TMEM80: variants seen among roughly 807,000 people sequenced by gnomAD.
TMEM80 encodes transmembrane protein 80.
TMEM80 carries 16 observed loss-of-function variants against 13.6 expected under a neutral mutation model. That is an observed-to-expected ratio of 1.17 (90% CI 0.79 to 1.78). The LOEUF (loss-of-function observed/expected upper bound fraction) is 1.78. TMEM80 is among the 40% of genes most tolerant of loss of function. The probability of loss-of-function intolerance (pLI) is 0.00; values close to 1 mark genes in which losing one functional copy is unlikely to be tolerated. For synonymous variants in TMEM80, 92 were observed against 89.5 expected (o/e 1.03, Z -0.16); for missense variants, 167 against 184.6 (o/e 0.90, Z 0.55).
rs575749404 is a variant in TMEM80 at position 700,213 on chromosome 11, G to A, written c.111G>A (p.Thr37=). 42 of 1,613,686 alleles carry A rather than the reference G, an allele frequency of 2.6e-5. No individual in the cohort carries two copies. The South Asian group carries it at 3.4e-4, about 13-fold the overall frequency. The change falls in exon 3 of 5, where the codon ACG becomes ACA. Residue 37 remains threonine (T), a synonymous_variant. Transcript: ENST00000397510. ...ACTACGCCCTGTATTTCCTCGCCAC[G>A]CTCCTGATGATCACGTATAAAAGTA... ...GTYYALYFLA[T]LLMITYKSQV...
chr11:700,336 G>C, intron 3 of TMEM80, 101 bp downstream of exon 3: 1 of 1,077,370 alleles, frequency 9.3e-7, no homozygotes, highest in Non-Finnish European at 1.4e-6. Flanking sequence ...AGACCAGCCA[G>C]GCCAACATGG....
intron 1 of TMEM80, among the ~76,000 whole-genome samples, chr11:696,217 G>A (rs925313581): frequency 6.6e-6 from 1 of 152,150 alleles, no homozygotes; most frequent in African/African-American, 2.4e-5. Context: ...CGCGGGCGCC[G>A]GTGCCTCAGC....
Position 703,491 on chromosome 11 carries a change from G to A in TMEM80, c.*341G>A. The A allele has an allele frequency of 8.0e-7, 1 of 1,256,752 alleles. No homozygotes were observed. Among genetic ancestry groups the A allele is most frequent in the Non-Finnish European group, 1.0e-6 (1 of 1,002,736 alleles). The allele number at this position is 1,256,752 out of a possible 1,614,324, so 77.9% of individuals were successfully genotyped here. A position where few individuals can be genotyped will look rare whatever the true frequency, so the allele number is the denominator to read the frequency against. ...CCCCATGGGCCCCCAGGGCCGAGAG[G>A]GAGGACAGAGCCCTTCAGAACAGAG... On this transcript the variant is annotated 3_prime_UTR_variant, in exon 5 of 5. Coordinates refer to ENST00000397510, the MANE Select transcript of TMEM80 (RefSeq NM_001042463.3).
In TMEM80 at chr11:703,348, T is replaced by A; in HGVS notation, c.*198T>A. 1 of 1,396,838 alleles carries A rather than the reference T, an allele frequency of 7.2e-7. No individual in the cohort carries two copies. Among genetic ancestry groups the A allele is most frequent in the Non-Finnish European group, 9.3e-7 (1 of 1,078,076 alleles). The allele number at this position is 1,396,838 out of a possible 1,614,324, so 86.5% of individuals were successfully genotyped here. On this transcript the variant is annotated 3_prime_UTR_variant, in exon 5 of 5. Transcript: ENST00000397510. ...GAACAAACTGCTGGAGGCCCTGGTG[T>A]TGGGAACAGCTGCGGGGAGGGTAGG...
intron 1 of TMEM80, chr11:697,966 C>G (rs1861275445): frequency 6.6e-6 from 1 of 152,270 alleles, no homozygotes; most frequent in Non-Finnish European, 1.5e-5. Context: ...CAAAATCTCA[C>G]CAACGCCAGG....
chr11:699,050 C>T, intron 2 of TMEM80, 162 bp downstream of exon 2: 1 of 829,168 alleles, frequency 1.2e-6, no homozygotes. Context: ...GATGTAACTT[C>T]CTCGGATCAG....
In TMEM80 at chr11:703,620, C is replaced by T. The variant is rs1190473706; in HGVS notation, c.*470C>T. The stretch of plus-strand genomic sequence containing the variant: ...CGTGGCCAGGCCCCACCTGTGTTTC[C>T]AAGTCGGGCTGGAGACGCAGGATGG... On this transcript the variant is annotated 3_prime_UTR_variant, in exon 5 of 5. Coordinates refer to ENST00000397510, the MANE Select transcript of TMEM80 (RefSeq NM_001042463.3). 8.9e-6 allele frequency: 11 copies of T among 1,232,720 alleles called. No individual in the cohort carries two copies. The highest frequency in any genetic ancestry group is 1.1e-5 in the Non-Finnish European group (11 of 988,658). 76.4% of individuals were successfully genotyped at this position (1,232,720 alleles called of 1,614,324 possible).
chr11:695,735 T>C, upstream of TMEM80: 1 of 1,240,546 alleles, frequency 8.1e-7, no homozygotes, highest in Non-Finnish European at 1.0e-6. Context: ...TCGGGCCCCT[T>C]CGTCAGGAGA....
Position 701,718 on chromosome 11 carries a change from G to GT in TMEM80, c.226+1014dup, listed in dbSNP as rs766144492. Among the ~76,000 whole-genome samples, 6 of 152,188 alleles carry GT rather than the reference G, an allele frequency of 3.9e-5. No individual in the cohort carries two copies. The East Asian group carries it at 1.2e-3, about 30-fold the overall frequency. The stretch of plus-strand genomic sequence containing the variant: ...GCCACCGCGCCCGGCCGGAGACAGG[G>GT]TTTCGCTATGTTACCCTGGTTGGTC... On this transcript the variant is annotated intron_variant, in intron 4 of 4. Transcript: ENST00000397510.
At chr11:696,183 C>G (rs967222990) in intron 1 of TMEM80, among the ~76,000 whole-genome samples, 1 of 152,136 alleles carries the variant, frequency 6.6e-6, no homozygotes, top group Non-Finnish European at 1.5e-5. Context: ...TTTCGGTAGC[C>G]TTGGAACTCT....
intron 1 of TMEM80, among the ~76,000 whole-genome samples, chr11:696,636 C>CT (rs1861179389): frequency 6.2e-5 from 2 of 32,398 alleles, no homozygotes; most frequent in Admixed American, 3.8e-4. Flanking sequence ...GGCGGTGGCG[C>CT]ACCCCTGTGG....
rs375402946 is a variant in TMEM80 at position 700,190 on chromosome 11, T to C, written c.88T>C (p.Tyr30His). 53 of 1,614,074 alleles carry C rather than the reference T, an allele frequency of 3.3e-5. No individual in the cohort carries two copies. The highest frequency in any genetic ancestry group is 4.1e-5 in the Non-Finnish European group (48 of 1,180,038). ...GCTGTTTTATCTCAGCGGAACGTAC[T>C]ACGCCCTGTATTTCCTCGCCACGCT... ...QMLFYLSGTY[Y>H]ALYFLATLLM... Residue 30 changes from tyrosine (Y) to histidine (H), a missense_variant, in exon 3 of 5, where the codon TAC becomes CAC. Tyr to His is a moderately conservative substitution (Grantham distance 83). Coordinates refer to ENST00000397510, the MANE Select transcript of TMEM80 (RefSeq NM_001042463.3).
chr11:696,987 G>A (rs534887607), intron 1 of TMEM80, among the ~76,000 whole-genome samples: 1 of 146,612 alleles, frequency 6.8e-6, no homozygotes, highest in Non-Finnish European at 1.5e-5. Context: ...TCTGAGGCAG[G>A]AGAATTGCTC....
intron 4 of TMEM80, 133 bp from the exon 5 acceptor site, chr11:702,812 G>A: frequency 1.2e-6 from 1 of 862,866 alleles, no homozygotes. Flanking sequence ...CTGTTTCCCT[G>A]GAATTCCCCA....
chr11:700,861 T>G, intron 4 of TMEM80, 154 bp downstream of exon 4: 11 of 716,428 alleles, frequency 1.5e-5, no homozygotes, highest in Non-Finnish European at 2.3e-5. Context: ...CCTTACAGTG[T>G]CATTAAGTAT....
At chr11:701,804 C>T (rs1861509871) in intron 4 of TMEM80, among the ~76,000 whole-genome samples, 1 of 152,148 alleles carries the variant, frequency 6.6e-6, no homozygotes, top group Admixed American at 6.6e-5. Flanking sequence ...TGGCCTCACT[C>T]CCCTTTTTTT....
At chr11:704,525 C>T (rs954232110), downstream of TMEM80, 18 of 1,289,324 alleles carry the variant, frequency 1.4e-5, no homozygotes, top group East Asian at 2.2e-4. Context: ...CCCTCACCAG[C>T]GCCTGCACTC....
At chr11:696,171 G>A (rs1861145539) in intron 1 of TMEM80, among the ~76,000 whole-genome samples, 1 of 152,152 alleles carries the variant, frequency 6.6e-6, no homozygotes. Context: ...ATGGGCGCAG[G>A]GTTTCGGTAG....
intron 4 of TMEM80, among the ~76,000 whole-genome samples, chr11:701,764 A>C (rs1861508574): frequency 6.6e-6 from 1 of 152,060 alleles, no homozygotes; most frequent in Non-Finnish European, 1.5e-5. Flanking sequence ...GGGCTCAAGC[A>C]ATCTGCCCAC....
Sources: gnomAD v4.1 joint callset for allele counts (sites outside exome capture counted in the v4.1 genomes callset) on GRCh38, gnomAD v4.1.1 for gene constraint, MANE v1.5 for transcripts, NCBI Gene and HGNC (gene_info 2026-07-23, HGNC 2026-07-21) for gene names.